Variants in TMBIM1 observed in about 807,000 individuals in gnomAD.
TMBIM1 encodes protein lifeguard 3.
TMBIM1 carries 34 observed loss-of-function variants against 45.1 expected under a neutral mutation model. The observed-to-expected ratio is 0.75, with a 90% confidence interval of 0.57 to 1.00. The LOEUF is 1.00. Ranked by LOEUF, TMBIM1 falls within the 50% of genes least tolerant of loss-of-function variation. The pLI, the probability that TMBIM1 is intolerant of heterozygous loss-of-function variation, is 0.00. For missense variants in TMBIM1, 374 were observed against 402.4 expected, an observed-to-expected ratio of 0.93 and a Z score of 0.60; for synonymous variants, 157 against 153.5, an observed-to-expected ratio of 1.02 and a Z score of -0.17.
intron 7 of TMBIM1, 129 bp from the exon 8 acceptor site, chr2:218,277,799 G>A (rs1330631221): frequency 6.5e-7 from 1 of 1,543,226 alleles, no homozygotes; most frequent in African/African-American, 1.4e-5. Context: ...CAGCCACAGA[G>A]GAGATCAGAA....
At chr2:218,284,607 G>A (rs573373515) in intron 1 of TMBIM1, among the ~76,000 whole-genome samples, 3 of 152,336 alleles carry the variant, frequency 2.0e-5, no homozygotes, top group South Asian at 2.1e-4. Context: ...GCATGTGCTA[G>A]TAGGCCTGCC....
Position 218,282,165 on chromosome 2 carries a change from AC to A in TMBIM1, c.-25del, listed in dbSNP as rs1574647378. Reference sequence around the variant, plus strand: ...ATGGCTGCTCACGGGCTGAGGGGGAACCCCAGCTGCTGGGACCTGAAATGGG... The same window carrying A: ...ATGGCTGCTCACGGGCTGAGGGGGAACCCAGCTGCTGGGACCTGAAATGGG... On this transcript the variant is annotated 5_prime_UTR_variant, in exon 2 of 12. Transcript: ENST00000258412. The A allele has an allele frequency of 6.9e-7, 1 of 1,447,930 alleles. No homozygotes were observed. The highest frequency in any genetic ancestry group is 9.1e-7 in the Non-Finnish European group (1 of 1,098,092). 89.7% of individuals were successfully genotyped at this position (1,447,930 alleles called of 1,614,324 possible).
At chr2:218,279,147 G>A (rs1170911206) in intron 4 of TMBIM1, 56 bp from the exon 5 acceptor site, 2 of 1,609,300 alleles carry the variant, frequency 1.2e-6, no homozygotes, top group African/African-American at 2.7e-5. Flanking sequence ...GCCCCACCCA[G>A]GCCAGCCAGG....
At chr2:218,291,358 A>G (rs1348191857) in intron 1 of TMBIM1, among the ~76,000 whole-genome samples, 1 of 152,184 alleles carries the variant, frequency 6.6e-6, no homozygotes, top group Non-Finnish European at 1.5e-5. Context: ...CTTTGCGCCA[A>G]TAAAGCAGCC....
chr2:218,286,908 C>G (rs978022408), intron 1 of TMBIM1: 2 of 152,174 alleles, frequency 1.3e-5, no homozygotes, highest in East Asian at 3.9e-4. Context: ...ACCCAGCAGG[C>G]GCAGGAGCAC....
At chr2:218,279,991 C>A in intron 3 of TMBIM1, 35 bp downstream of exon 3, 2 of 1,579,802 alleles carry the variant, frequency 1.3e-6, no homozygotes, top group Non-Finnish European at 1.7e-6. Flanking sequence ...GCCTGAGGGG[C>A]CCCAGGTACA....
chr2:218,279,200 A>T (rs41272681), intron 4 of TMBIM1, 89 bp downstream of exon 4: 47,527 of 1,563,972 alleles, frequency 0.03, 850 homozygotes, highest in African/African-American at 0.046. Flanking sequence ...GGTCACCCTG[A>T]GAGCAGGGCC....
rs555464367 is a variant in TMBIM1 at position 218,278,334 on chromosome 2, T to C, written c.473+181A>G. On this transcript the variant is annotated intron_variant, in intron 6 of 11. Coordinates refer to ENST00000258412, the MANE Select transcript of TMBIM1 (RefSeq NM_022152.6). ...GGTTACTATAAGAGTGACAGCTAGTTAGCTCCTAAACACACATGGTCCTTT... is the reference window on the plus strand; with the variant it reads ...GGTTACTATAAGAGTGACAGCTAGTCAGCTCCTAAACACACATGGTCCTTT... 2.2e-4 allele frequency: 145 copies of C among 654,560 alleles called. No homozygotes were observed. In the African/African-American group the frequency reaches 2.5e-3, roughly 11 times the overall value. The allele number at this position is 654,560 out of a possible 1,614,324, so 40.5% of individuals were successfully genotyped here.
chr2:218,275,736 T>C, intron 11 of TMBIM1, 115 bp from the exon 12 acceptor site: 3 of 1,270,514 alleles, frequency 2.4e-6, no homozygotes, highest in Non-Finnish European at 3.3e-6. Flanking sequence ...AGGGCCACAT[T>C]AACGCACAGC....
At chr2:218,279,392 C>T (rs1343559435) in intron 3 of TMBIM1, 39 bp from the exon 4 acceptor site, 1 of 1,511,756 alleles carries the variant, frequency 6.6e-7, no homozygotes, top group South Asian at 1.3e-5. Context: ...CCATCCGGCA[C>T]CCCTGGCCTG....
rs1691075209 is a variant in TMBIM1 at position 218,275,231 on chromosome 2, A to G, written c.*244T>C. 4.9e-6 allele frequency: 2 copies of G among 405,848 alleles called. No individual in the cohort carries two copies. Among genetic ancestry groups the G allele is most frequent in the Non-Finnish European group, 8.7e-6 (2 of 230,720 alleles). 25.1% of individuals were successfully genotyped at this position (405,848 alleles called of 1,614,324 possible). ...ATACAGTAGGTGGCGGGGAGAAGAC[A>G]CATCTTCAGCCTAGTCCCTGCCAAG... On this transcript the variant is annotated 3_prime_UTR_variant, in exon 12 of 12. Transcript: ENST00000258412.
At position 218,282,177 on chromosome 2, in the gene TMBIM1, G is replaced by A; in HGVS notation, c.-36C>T. On this transcript the variant is annotated 5_prime_UTR_variant, in exon 2 of 12. Coordinates refer to ENST00000258412, the MANE Select transcript of TMBIM1 (RefSeq NM_022152.6). The stretch of plus-strand genomic sequence containing the variant: ...GGGCTGAGGGGGAACCCCAGCTGCT[G>A]GGACCTGAAATGGGAGAGGAGAAAA... The A allele has an allele frequency of 7.0e-7, 1 of 1,430,062 alleles. No homozygotes were observed. Among genetic ancestry groups the A allele is most frequent in the Non-Finnish European group, 9.2e-7 (1 of 1,085,160 alleles). 88.6% of individuals were successfully genotyped at this position (1,430,062 alleles called of 1,614,324 possible).
rs746575826 is a variant in TMBIM1 at position 218,276,995 on chromosome 2, G to A, written c.735+9C>T. 1 of 1,612,206 alleles carries A rather than the reference G, an allele frequency of 6.2e-7. No individual in the cohort carries two copies. The highest frequency in any genetic ancestry group is 8.5e-7 in the Non-Finnish European group (1 of 1,178,324). On this transcript the variant is annotated intron_variant, in intron 10 of 11. Transcript: ENST00000258412. ...GGTTCCCTGACCCCAGCTCTCCTGG[G>A]ACACTCACGTATTGGAAGTAGAGCA...
intron 1 of TMBIM1, among the ~76,000 whole-genome samples, chr2:218,288,412 G>C (rs1341401410): frequency 6.6e-6 from 1 of 152,234 alleles, no homozygotes; most frequent in Non-Finnish European, 1.5e-5. Context: ...CTGGGCAACA[G>C]AGGGAGACTC....
chr2:218,278,934 C>T, intron 5 of TMBIM1, 104 bp downstream of exon 5: 1 of 1,383,646 alleles, frequency 7.2e-7, no homozygotes, highest in Non-Finnish European at 1.0e-6. Context: ...CTTGGGGGCC[C>T]TCTCAAAAAG....
At chr2:218,282,831 TG>T (rs1392287264) in intron 1 of TMBIM1, among the ~76,000 whole-genome samples, 1 of 152,144 alleles carries the variant, frequency 6.6e-6, no homozygotes, top group African/African-American at 2.4e-5. Context: ...GTACAGGGGC[TG>T]GGGGCAGGGA....
chr2:218,281,925 C>T lies in TMBIM1; in HGVS notation c.202+15G>A. 2.5e-6 allele frequency: 4 copies of T among 1,576,520 alleles called. No homozygotes were observed. Among genetic ancestry groups the T allele is most frequent in the Non-Finnish European group, 3.4e-6 (4 of 1,161,124 alleles). ...TCCCTCCCACCCACCTTCCATCTGC[C>T]CTTCCAGGACTCACCGTAGTTCATG... On this transcript the variant is annotated intron_variant, in intron 2 of 11. Transcript: ENST00000258412.
chr2:218,285,757 A>G (rs1187924987), intron 1 of TMBIM1: 2 of 152,734 alleles, frequency 1.3e-5, no homozygotes, highest in Non-Finnish European at 2.9e-5. Flanking sequence ...ACTCAGCCAC[A>G]CTCACCTCTG....
chr2:218,281,107 T>TG (rs1691895820), intron 2 of TMBIM1: 4 of 145,812 alleles, frequency 2.7e-5, no homozygotes, highest in African/African-American at 1.1e-4. Flanking sequence ...CCGGCCTCTT[T>TG]TTTTGTTTTG....
Sources: allele counts gnomAD v4.1 joint callset (sites outside exome capture counted in the v4.1 genomes callset), GRCh38; gene constraint gnomAD v4.1.1; transcripts MANE v1.5; gene names NCBI Gene and HGNC (gene_info 2026-07-23, HGNC 2026-07-21).